The following MPP7 variants were observed in gnomAD, a reference collection of about 807,000 sequenced individuals.
MPP7 encodes MAGUK p55 subfamily member 7.
A neutral mutation model predicts 76.5 loss-of-function variants in MPP7; 60 were observed. That is an observed-to-expected ratio of 0.78 (90% CI 0.64 to 0.97). The LOEUF (loss-of-function observed/expected upper bound fraction) is 0.97. MPP7 is among the 50% of genes least tolerant of loss of function. MPP7 has a pLI of 0.00. For missense variants in MPP7, 641 were observed against 694.0 expected, an observed-to-expected ratio of 0.92 and a Z score of 0.86; for synonymous variants, 237 against 244.5, an observed-to-expected ratio of 0.97 and a Z score of 0.29.
intron 6 of MPP7, among the ~76,000 whole-genome samples, chr10:28,126,813 C>G (rs937083969): frequency 1.3e-5 from 2 of 152,212 alleles, no homozygotes; most frequent in African/African-American, 4.8e-5. Flanking sequence ...AACACTTGCT[C>G]TATGCGAATC....
chr10:28,330,615 G>A (rs1352775871), intron 1 of MPP7, among the ~76,000 whole-genome samples: 1 of 152,018 alleles, frequency 6.6e-6, no homozygotes, highest in African/African-American at 2.4e-5. Flanking sequence ...TTGAATTATT[G>A]GGGGATCAGA....
intron 2 of MPP7, among the ~76,000 whole-genome samples, chr10:28,313,858 TTTTTTTTTATTTTTTTTA>T (rs1194246093): frequency 4.8e-5 from 2 of 41,918 alleles, no homozygotes; most frequent in East Asian, 6.4e-4. Flanking sequence ...GGCTAATTTT[TTTTTTTTTATTTTTTTTA>T]TTTTTTTTTG....
chr10:28,190,283 A>T (rs76061104), intron 3 of MPP7, among the ~76,000 whole-genome samples: 2 of 152,172 alleles, frequency 1.3e-5, no homozygotes, highest in Admixed American at 1.3e-4. Context: ...AAAAAAAAAA[A>T]TCTGTAAGGA....
chr10:28,320,593 A>T (rs1467331138), intron 2 of MPP7, among the ~76,000 whole-genome samples: 1 of 152,200 alleles, frequency 6.6e-6, no homozygotes, highest in African/African-American at 2.4e-5. Flanking sequence ...GAAGTGACCG[A>T]GTACTTATCA....
rs1839762828 is a variant in MPP7, at chr10:28,255,682, G to T, written c.-131-16947C>A. 3.3e-5 allele frequency among the ~76,000 whole-genome samples: 5 copies of T among 152,304 alleles called. 2 individuals carry two copies. The South Asian group carries it at 1.0e-3, about 32-fold the overall frequency. On this transcript the variant is annotated intron_variant, in intron 1 of 16. Transcript: ENST00000683449. Reference sequence around the variant, plus strand: ...AGCCTCCCAAAGTGCTGGGATTACAGGCATGAGCCACTGTGCCCAGCCCAT... The same window carrying T: ...AGCCTCCCAAAGTGCTGGGATTACATGCATGAGCCACTGTGCCCAGCCCAT...
chr10:28,277,812 G>C (rs1440314486), intron 1 of MPP7, among the ~76,000 whole-genome samples: 1 of 152,086 alleles, frequency 6.6e-6, no homozygotes, highest in African/African-American at 2.4e-5. Context: ...GGGGAAAAGA[G>C]CAGGTCTGAA....
At chr10:28,200,599 C>T (rs937644107) in intron 3 of MPP7, among the ~76,000 whole-genome samples, 1 of 152,160 alleles carries the variant, frequency 6.6e-6, no homozygotes, top group African/African-American at 2.4e-5. Flanking sequence ...ATAGAAATAA[C>T]AACCATCTCT....
chr10:28,180,243 G>C (rs1237011138), intron 3 of MPP7, among the ~76,000 whole-genome samples: 1 of 152,046 alleles, frequency 6.6e-6, no homozygotes, highest in East Asian at 1.9e-4. Flanking sequence ...AGTGATGAAA[G>C]GAAACACAAA....
intron 12 of MPP7, among the ~76,000 whole-genome samples, chr10:28,081,791 G>A (rs1479476588): frequency 6.8e-6 from 1 of 147,994 alleles, no homozygotes; most frequent in Non-Finnish European, 1.5e-5. Flanking sequence ...TTGAGACAGA[G>A]TCTTGCTCTG....
chr10:28,261,889 C>T (rs1443141721), intron 1 of MPP7, among the ~76,000 whole-genome samples: 1 of 151,396 alleles, frequency 6.6e-6, no homozygotes, highest in Non-Finnish European at 1.5e-5. Flanking sequence ...ATGGCTCACA[C>T]CTGTAATCCC....
intron 3 of MPP7, among the ~76,000 whole-genome samples, chr10:28,200,766 A>C (rs563459710): frequency 1.3e-5 from 2 of 152,216 alleles, no homozygotes; most frequent in Non-Finnish European, 2.9e-5. Context: ...CTGTAAACAG[A>C]TATTATAACT....
Position 28,118,353 on chromosome 10 carries a change from A to G in MPP7, c.952+1298T>C, listed in dbSNP as rs560288959. On this transcript the variant is annotated intron_variant, in intron 11 of 16. Transcript: ENST00000683449. ...AAAATTTATAATAATATCAAACTGT[A>G]CATTTCTAAGTTGCCTAGGACTGAA... The G allele has an allele frequency of 5.1e-6, 5 of 976,238 alleles. No homozygotes were observed. In the African/African-American group the frequency reaches 7.0e-5, roughly 14 times the overall value. 60.5% of individuals were successfully genotyped at this position (976,238 alleles called of 1,614,324 possible).
chr10:28,322,515 TTC>T (rs1834377284), intron 2 of MPP7, among the ~76,000 whole-genome samples: 1 of 152,200 alleles, frequency 6.6e-6, no homozygotes, highest in Non-Finnish European at 1.5e-5. Flanking sequence ...GCCCCAACCT[TTC>T]TCTGTTACTT....
At chr10:28,189,570 CAAAAAAAAA>C (rs59436299) in intron 3 of MPP7, among the ~76,000 whole-genome samples, 4 of 69,520 alleles carry the variant, frequency 5.8e-5, no homozygotes, top group Non-Finnish European at 2.8e-5. Context: ...GACCCTGTCT[CAAAAAAAAA>C]AAAAAAAAAA....
intron 1 of MPP7, among the ~76,000 whole-genome samples, chr10:28,265,115 T>C (rs1300702783): frequency 6.6e-6 from 1 of 152,146 alleles, no homozygotes; most frequent in Admixed American, 6.6e-5. Context: ...GGTCCCTGAG[T>C]TCCCATCAGA....
At chr10:28,235,278 A>C (rs191725335) in intron 2 of MPP7, among the ~76,000 whole-genome samples, 176 of 152,354 alleles carry the variant, frequency 1.2e-3, no homozygotes, top group Admixed American at 5.1e-3. Context: ...TCATGTATCA[A>C]TATCATTTCT....
At chr10:28,225,316 T>G (rs571403068) in intron 2 of MPP7, among the ~76,000 whole-genome samples, 1 of 152,240 alleles carries the variant, frequency 6.6e-6, no homozygotes, top group Admixed American at 6.5e-5. Flanking sequence ...AAGAAAAAAT[T>G]GATAAACTGA....
upstream of MPP7, among the ~76,000 whole-genome samples, chr10:28,304,397 AAAGCAAACCTGAGG>A (rs1337072341): frequency 6.6e-6 from 1 of 152,236 alleles, no homozygotes; most frequent in Admixed American, 6.5e-5. Context: ...AGATAGACAA[AAAGCAAACCTGAGG>A]AAGGAAAGGA....
intron 11 of MPP7, among the ~76,000 whole-genome samples, chr10:28,093,443 C>CTTTTTTTTTTTTTTT (rs1294264349): frequency 7.2e-6 from 1 of 138,596 alleles, no homozygotes. Flanking sequence ...TTTTACTTTC[C>CTTTTTTTTTTTTTTT]TTTTTTTTTT....
Sources: gnomAD v4.1 joint callset for allele counts (sites outside exome capture counted in the v4.1 genomes callset) on GRCh38, gnomAD v4.1.1 for gene constraint, MANE v1.5 for transcripts, NCBI Gene and HGNC (gene_info 2026-07-23, HGNC 2026-07-21) for gene names.